COL5A1: variants seen among roughly 807,000 people sequenced by gnomAD.
The protein encoded by COL5A1 is collagen alpha-1(V) chain.
A neutral mutation model predicts 263.7 loss-of-function variants in COL5A1; 16 were observed. That is an observed-to-expected ratio of 0.06 (90% CI 0.04 to 0.09). COL5A1 has a LOEUF of 0.09. Ranked by LOEUF, COL5A1 falls within the 10% of genes least tolerant of loss-of-function variation. The pLI, the probability that COL5A1 is intolerant of heterozygous loss-of-function variation, is 1.00. For missense variants in COL5A1, 2,036 were observed against 2,540.5 expected, an observed-to-expected ratio of 0.80 and a Z score of 4.27; for synonymous variants, 1,012 against 1,004.5, an observed-to-expected ratio of 1.01 and a Z score of -0.14.
intron 11 of COL5A1, among the ~76,000 whole-genome samples, chr9:134,739,465 C>T (rs191416208): frequency 1.3e-5 from 2 of 152,310 alleles, no homozygotes; most frequent in East Asian, 1.9e-4. Flanking sequence ...ACAAGGGCTG[C>T]GTGCGGGTGT....
In COL5A1 at chr9:134,811,317, GTC is replaced by G. The variant is rs768643954; in HGVS notation, c.3529-18_3529-17del. The stretch of plus-strand genomic sequence containing the variant: ...ATCCACGATCCAAGAAGCTACCTAT[GTC>G]TCTGTCTTGTTCCCCGCAGGGTCCT... On this transcript the variant is annotated intron_variant, in intron 44 of 65. Transcript: ENST00000371817. 1 of 1,613,176 alleles carries G rather than the reference GTC, an allele frequency of 6.2e-7. No homozygotes were observed. The highest frequency in any genetic ancestry group is 8.5e-7 in the Non-Finnish European group (1 of 1,179,128).
chr9:134,841,416 C>T lies in COL5A1; in HGVS notation c.5371-741C>T, dbSNP rs73563924. On this transcript the variant is annotated intron_variant, in intron 65 of 65. Transcript: ENST00000371817. The surrounding 1 kb of genome is among the most constrained non-coding windows in gnomAD (Gnocchi z 4.8). Reference sequence around the variant, plus strand: ...CGCTGCCTGTGTTCTGGGAGGGAGGCGGCCTCTCCTAGGCTTCCATCCCAC... The same window carrying T: ...CGCTGCCTGTGTTCTGGGAGGGAGGTGGCCTCTCCTAGGCTTCCATCCCAC... 0.016 allele frequency among the ~76,000 whole-genome samples: 2,385 copies of T among 152,230 alleles called. 60 individuals carry two copies. The highest frequency in any genetic ancestry group is 0.054 in the African/African-American group (2,252 of 41,518).
chr9:134,780,247 G>A (rs1458558786), intron 28 of COL5A1, 101 bp downstream of exon 28: 1 of 1,144,024 alleles, frequency 8.7e-7, no homozygotes, highest in African/African-American at 1.5e-5. Flanking sequence ...AACCAGCTGA[G>A]GTGGATGTCG....
At position 134,742,039 on chromosome 9, in the gene COL5A1, G is replaced by T. The variant is rs889347642; in HGVS notation, c.1494+3231G>T. 1.3e-5 allele frequency among the ~76,000 whole-genome samples: 2 copies of T among 152,138 alleles called. No homozygotes were observed. Among genetic ancestry groups the T allele is most frequent in the Non-Finnish European group, 2.9e-5 (2 of 68,022 alleles). The stretch of plus-strand genomic sequence containing the variant: ...TGGGAGCCGTCTGTGCACCTGTGCC[G>T]TGGCATCCCACTGGGTATCATGCAG... On this transcript the variant is annotated intron_variant, in intron 11 of 65. Transcript: ENST00000371817. The surrounding 1 kb of genome is among the most constrained non-coding windows in gnomAD (Gnocchi z 4.6).
At position 134,731,521 on chromosome 9, in the gene COL5A1, C is replaced by T. The variant is rs537424110; in HGVS notation, c.1190C>T (p.Ala397Val). 11 of 1,614,202 alleles carry T rather than the reference C, an allele frequency of 6.8e-6. No individual in the cohort carries two copies. The highest frequency in any genetic ancestry group is 5.0e-5 in the Admixed American group (3 of 60,030). Residue 397 changes from alanine (A) to valine (V), a missense_variant, in exon 8 of 66, where the codon GCG becomes GTG. Physicochemically the swap from Ala to Val is moderately conservative, Grantham distance 64. Around this residue, in one of 3 missense-constraint regions of COL5A1, gnomAD observed 600 missense variants for 634.5 expected, o/e 0.95. Transcript: ENST00000371817. ...CCAGCTCCGCCTCCAGGGGAAGGTG[C>T]GGATGACTTGGAGGGGGAGTTCACT... ...SNPAPPPGEGADDLEGEFTEE... is the reference protein window; with the variant it reads ...SNPAPPPGEGVDDLEGEFTEE...
In COL5A1 at chr9:134,828,498, C is replaced by T. The variant is rs533988760; in HGVS notation, c.5068-1478C>T. On this transcript the variant is annotated intron_variant, in intron 63 of 65. Transcript: ENST00000371817. ...ACCACACGCACAGATACAGGCCACA[C>T]ACCACACATACCACACAGATACACG... Among the ~76,000 whole-genome samples, 13 of 151,178 alleles carry T rather than the reference C, an allele frequency of 8.6e-5. No homozygotes were observed. In the East Asian group the frequency reaches 2.5e-3, roughly 29 times the overall value.
At chr9:134,724,303 A>T (rs548819243) in intron 4 of COL5A1, among the ~76,000 whole-genome samples, 1 of 152,226 alleles carries the variant, frequency 6.6e-6, no homozygotes, top group Non-Finnish European at 1.5e-5. Flanking sequence ...TGTGAGGTCA[A>T]TGCTGCCGTT....
chr9:134,685,136 A>T (rs993856511), intron 1 of COL5A1, among the ~76,000 whole-genome samples: 1 of 140,676 alleles, frequency 7.1e-6, no homozygotes, highest in African/African-American at 2.7e-5. Context: ...CCATCCATCC[A>T]TCATCCTCCC....
intron 7 of COL5A1, among the ~76,000 whole-genome samples, chr9:134,731,150 G>T (rs370163285): frequency 1.6e-4 from 24 of 152,334 alleles, no homozygotes; most frequent in African/African-American, 5.5e-4. Context: ...AGGACACCTC[G>T]TTCCAGCAGG....
rs373155245 is a variant in COL5A1, at chr9:134,758,319, A to G, written c.1935+23A>G. On this transcript the variant is annotated intron_variant, in intron 18 of 65. Coordinates refer to ENST00000371817, the MANE Select transcript of COL5A1 (RefSeq NM_000093.5). This position sits in a 1 kb window ranked among gnomAD's most constrained non-coding sequence, Gnocchi z 4.1. ...AGGGTGAGTATTTCCTCTGTGAGAC[A>G]CAGGCATGACGATGGGCAGCAGAGG... is the stretch of plus-strand genomic sequence containing the variant. 1 of 1,612,918 alleles carries G rather than the reference A, an allele frequency of 6.2e-7. No individual in the cohort carries two copies. Among genetic ancestry groups the G allele is most frequent in the African/African-American group, 1.3e-5 (1 of 75,006 alleles).
intron 28 of COL5A1, 192 bp from the exon 29 acceptor site, chr9:134,782,475 A>G: frequency 1.5e-6 from 1 of 685,258 alleles, no homozygotes. Flanking sequence ...AGAACGTTAC[A>G]GCTGGGAACG....
intron 19 of COL5A1, 117 bp from the exon 20 acceptor site, chr9:134,763,575 TA>T: frequency 9.7e-7 from 1 of 1,035,142 alleles, no homozygotes; most frequent in Non-Finnish European, 1.5e-6. Context: ...CCAGAGCTGG[TA>T]AACCTGGCGT....
Position 134,701,210 on chromosome 9 carries a change from C to G in COL5A1, c.531C>G (p.Val177=). The G allele has an allele frequency of 6.2e-6, 10 of 1,613,978 alleles. No homozygotes were observed. The highest frequency in any genetic ancestry group is 8.5e-6 in the Non-Finnish European group (10 of 1,180,002). Residue 177 remains valine, a synonymous_variant, in exon 4 of 66, where the codon GTC becomes GTG. Coordinates refer to ENST00000371817, the MANE Select transcript of COL5A1 (RefSeq NM_000093.5). ...RIALSVHKKN[V]TLILDCKKKT... ...CTCTCAGCGTCCACAAGAAAAATGTCACCTTGATCCTCGACTGTAAAAAGA... is the reference window on the plus strand; with the variant it reads ...CTCTCAGCGTCCACAAGAAAAATGTGACCTTGATCCTCGACTGTAAAAAGA...
chr9:134,795,427 AGGC>A, intron 34 of COL5A1, 112 bp downstream of exon 34: 13 of 894,880 alleles, frequency 1.5e-5, no homozygotes, highest in Non-Finnish European at 2.0e-5. Flanking sequence ...AAAAAAAAAA[AGGC>A]AGGACATTTT....
At chr9:134,791,777 C>A (rs1837700149) in intron 32 of COL5A1, among the ~76,000 whole-genome samples, 1 of 151,916 alleles carries the variant, frequency 6.6e-6, no homozygotes, top group South Asian at 2.1e-4. Flanking sequence ...TGGGTGCAGT[C>A]CATTCACTTA....
chr9:134,747,644 C>A (rs1194079061), intron 11 of COL5A1, among the ~76,000 whole-genome samples: 1 of 151,572 alleles, frequency 6.6e-6, no homozygotes, highest in Non-Finnish European at 1.5e-5. Context: ...CACATGCATT[C>A]ATACACATGC....
At chr9:134,737,927 G>C (rs1274737112) in intron 9 of COL5A1, among the ~76,000 whole-genome samples, 1 of 152,174 alleles carries the variant, frequency 6.6e-6, no homozygotes, top group East Asian at 1.9e-4. Flanking sequence ...GGGCTGCTGC[G>C]TGCATGGGAG....
At chr9:134,790,421 GCCACCCACCCAT>G (rs1837635662) in intron 32 of COL5A1, among the ~76,000 whole-genome samples, 1 of 30,382 alleles carries the variant, frequency 3.3e-5, no homozygotes, top group East Asian at 1.5e-3. Flanking sequence ...CAGCCATCCA[GCCACCCACCCAT>G]CCATCCATCC....
intron 44 of COL5A1, chr9:134,810,560 G>C (rs1332218392): frequency 1.9e-6 from 1 of 531,576 alleles, no homozygotes. Flanking sequence ...AATAAATGGA[G>C]TGTTTCTGTC....
Sources: gnomAD v4.1 joint callset for allele counts (sites outside exome capture counted in the v4.1 genomes callset) on GRCh38, gnomAD v4.1.1 for gene constraint, gnomAD v4.1.1 regional missense constraint, Gnocchi (gnomAD v3.1) non-coding constraint, MANE v1.5 for transcripts, NCBI Gene and HGNC (gene_info 2026-07-23, HGNC 2026-07-21) for gene names.